The following GUSB variants were observed in gnomAD, a reference collection of about 807,000 sequenced individuals.
The protein encoded by GUSB is glucuronidase beta.
GUSB carries 51 observed loss-of-function variants against 74.6 expected under a neutral mutation model. The ratio of observed to expected loss-of-function variants is 0.68; its 90% CI spans 0.55 to 0.86. The LOEUF (loss-of-function observed/expected upper bound fraction) is 0.86, where lower values mean the gene tolerates loss of function less well. Among genes scored for constraint, GUSB ranks in the 40% least tolerant of loss-of-function variants. The probability of loss-of-function intolerance (pLI) is 0.00; values close to 1 mark genes in which losing one functional copy is unlikely to be tolerated. For synonymous variants in GUSB, 360 were observed against 348.3 expected (o/e 1.03, Z -0.37); for missense variants, 736 against 853.7 (o/e 0.86, Z 1.72).
chr7:65,975,146 G>GC (rs1791486013), intron 5 of GUSB, 75 bp from the exon 6 acceptor site: 1 of 1,334,370 alleles, frequency 7.5e-7, no homozygotes, highest in African/African-American at 1.4e-5. Flanking sequence ...CAGCAGGAAG[G>GC]CCCCTCGTGC....
intron 5 of GUSB, chr7:65,975,362 AGACT>A (rs1313469920): frequency 4.4e-6 from 2 of 450,954 alleles, no homozygotes; most frequent in African/African-American, 2.0e-5. Flanking sequence ...GCCTGCTGAC[AGACT>A]GAGACCCCAT....
chr7:65,979,940 G>C (rs761222082), intron 2 of GUSB, 29 bp from the exon 3 acceptor site: 1 of 1,550,936 alleles, frequency 6.4e-7, no homozygotes, highest in South Asian at 1.2e-5. Context: ...CGGGGAGGGG[G>C]CTGCAGGTCA....
intron 11 of GUSB, among the ~76,000 whole-genome samples, chr7:65,962,604 GGCTCAT>G (rs1790569866): frequency 6.6e-6 from 1 of 152,076 alleles, no homozygotes; most frequent in Non-Finnish European, 1.5e-5. Flanking sequence ...TGGCCATGGT[GGCTCAT>G]GCCTGTAATC....
At chr7:65,968,374 G>A (rs1349542349) in intron 9 of GUSB, among the ~76,000 whole-genome samples, 3 of 152,142 alleles carry the variant, frequency 2.0e-5, no homozygotes, top group East Asian at 1.9e-4. Flanking sequence ...AGGTAGGCCT[G>A]GGACTCCACA....
intron 4 of GUSB, among the ~76,000 whole-genome samples, chr7:65,977,000 T>C (rs1791625734): frequency 6.6e-6 from 1 of 151,920 alleles, no homozygotes; most frequent in South Asian, 2.1e-4. Context: ...CTACTACGCA[T>C]GTGCAACCAG....
chr7:65,967,363 AG>A (rs1413455088), intron 10 of GUSB, among the ~76,000 whole-genome samples: 9 of 152,192 alleles, frequency 5.9e-5, no homozygotes, highest in Admixed American at 2.0e-4. Flanking sequence ...CTGAGGTGGG[AG>A]GATCACTTGA....
In GUSB at chr7:65,976,819, G is replaced by A. The variant is rs369490956; in HGVS notation, c.725-617C>T. Among the ~76,000 whole-genome samples, 24 of 151,952 alleles carry A rather than the reference G, an allele frequency of 1.6e-4. 2 individuals carry two copies. In the South Asian group the frequency reaches 4.8e-3, roughly 30 times the overall value. The stretch of plus-strand genomic sequence containing the variant: ...GTGGTGGTGCGTGCTTGCAGCCCCG[G>A]CAGCCCCAGCTACTTGGGAGGCTGA... On this transcript the variant is annotated intron_variant, in intron 4 of 11. Transcript: ENST00000304895.
chr7:65,979,148 G>A (rs893015767), intron 4 of GUSB, among the ~76,000 whole-genome samples: 5 of 152,140 alleles, frequency 3.3e-5, no homozygotes, highest in Non-Finnish European at 7.4e-5. Context: ...CCATAGAGAA[G>A]GGACAGGATT....
Position 65,979,495 on chromosome 7 carries a change from T to G in GUSB, c.628A>C (p.Asn210His). 3 of 1,614,002 alleles carry G rather than the reference T, an allele frequency of 1.9e-6. No homozygotes were observed. Among genetic ancestry groups the G allele is most frequent in the Non-Finnish European group, 2.5e-6 (3 of 1,179,936 alleles). The change falls in exon 4 of 12, where the codon AAC becomes CAC. Residue 210 changes from asparagine (N) to histidine (H), a missense_variant. By Grantham distance (68) the Asn-to-His change is moderately conservative. Coordinates refer to ENST00000304895, the MANE Select transcript of GUSB (RefSeq NM_000181.4). ...ACAGACCGCTGCAGTCCAGCGTAGT[T>G]GAAAAAGTCAAAATATGTGTTCTGG... ...FVQNTYFDFF[N>H]YAGLQRSVLL...
At chr7:65,972,432 G>A (rs942518614) in intron 8 of GUSB, among the ~76,000 whole-genome samples, 1 of 152,164 alleles carries the variant, frequency 6.6e-6, no homozygotes, top group African/African-American at 2.4e-5. Flanking sequence ...CCAAAGTGCT[G>A]GGATTACAGG....
Position 65,980,129 on chromosome 7 carries a change from C to T in GUSB, c.396+95G>A, listed in dbSNP as rs556297556. ...CAGGGCAGGACCCCCCACCATCCCACCCCAGCATACATGCCGTGGGTGGCA... is the reference window on the plus strand; with the variant it reads ...CAGGGCAGGACCCCCCACCATCCCATCCCAGCATACATGCCGTGGGTGGCA... On this transcript the variant is annotated intron_variant, in intron 2 of 11. Transcript: ENST00000304895. 3.3e-4 allele frequency: 424 copies of T among 1,270,492 alleles called. 1 individual carries two copies. In the African/African-American group the frequency reaches 5.5e-3, roughly 17 times the overall value. 78.7% of individuals were successfully genotyped at this position (1,270,492 alleles called of 1,614,324 possible). A position where few individuals can be genotyped will look rare whatever the true frequency, so the allele number is the denominator to read the frequency against.
chr7:65,971,122 T>A (rs1583910556), intron 8 of GUSB, among the ~76,000 whole-genome samples: 1 of 152,174 alleles, frequency 6.6e-6, no homozygotes, highest in Non-Finnish European at 1.5e-5. Context: ...AAAATGAGGT[T>A]GACGCCCTGA....
intron 10 of GUSB, among the ~76,000 whole-genome samples, chr7:65,965,267 G>A (rs1790759551): frequency 1.3e-5 from 2 of 151,922 alleles, no homozygotes; most frequent in Non-Finnish European, 2.9e-5. Context: ...TTAGCCAGGT[G>A]TGGTGGCGCA....
Position 65,967,779 on chromosome 7 carries a change from G to A in GUSB, c.1605C>T (p.Pro535=), listed in dbSNP as rs762859080. 2.5e-6 allele frequency: 4 copies of A among 1,613,508 alleles called. No individual in the cohort carries two copies. Among genetic ancestry groups the A allele is most frequent in the South Asian group, 2.2e-5 (2 of 91,078 alleles). The part of the protein sequence containing the change: ...FENWYKKYQK[P]IIQSEYGAET... The stretch of plus-strand genomic sequence containing the variant: ...CTGCTCCATACTCGCTCTGAATAAT[G>A]GGCTTCTGATACTTCTTATACCAGT... The change falls in exon 10 of 12, where the codon CCC becomes CCT. Residue 535 remains proline, a synonymous_variant. Coordinates refer to ENST00000304895, the MANE Select transcript of GUSB (RefSeq NM_000181.4).
rs1374269426 is a variant in GUSB, at chr7:65,979,718, G to A, written c.581+9C>T. ...TGGGTGTGTGCAATGGAGGCAGGAT[G>A]GTACCCACTTGGAGGTGTCAGTCAG... On this transcript the variant is annotated intron_variant, in intron 3 of 11. Coordinates refer to ENST00000304895, the MANE Select transcript of GUSB (RefSeq NM_000181.4). 1.2e-5 allele frequency: 20 copies of A among 1,612,718 alleles called. No individual in the cohort carries two copies. Among genetic ancestry groups the A allele is most frequent in the Non-Finnish European group, 1.7e-5 (20 of 1,179,070 alleles).
At position 65,961,159 on chromosome 7, in the gene GUSB, T is replaced by C. The variant is rs935431734; in HGVS notation, c.1790-96A>G. 5.6e-6 allele frequency: 7 copies of C among 1,246,834 alleles called. No homozygotes were observed. The African/African-American group carries it at 1.1e-4, about 19-fold the overall frequency. The allele number at this position is 1,246,834 out of a possible 1,614,324, so 77.2% of individuals were successfully genotyped here. The stretch of plus-strand genomic sequence containing the variant: ...AGCTAAGGTAGGCACTAAATAGAAA[T>C]GTCTTTTTTTTTCTTTTTTCTCCCT... On this transcript the variant is annotated intron_variant, in intron 11 of 11. Transcript: ENST00000304895.
In GUSB at chr7:65,982,106, C is replaced by A. The variant is rs1342758094; in HGVS notation, c.78G>T (p.Gly26=). The A allele has an allele frequency of 1.9e-6, 3 of 1,591,544 alleles. No individual in the cohort carries two copies. The highest frequency in any genetic ancestry group is 2.6e-6 in the Non-Finnish European group (3 of 1,169,950). ...LWGCALGLQG[G]MLYPQESPSR... Reference sequence around the variant, plus strand: ...ACGGGCTCTCCTGGGGGTACAGCATCCCGCCCTGCAGCCCCAGCGCGCAGC... The same window carrying A: ...ACGGGCTCTCCTGGGGGTACAGCATACCGCCCTGCAGCCCCAGCGCGCAGC... Residue 26 remains glycine, a synonymous_variant, in exon 1 of 12, where the codon GGG becomes GGT. Transcript: ENST00000304895.
intron 8 of GUSB, among the ~76,000 whole-genome samples, chr7:65,971,037 C>T (rs889383638): frequency 1.3e-5 from 2 of 152,164 alleles, no homozygotes; most frequent in Non-Finnish European, 2.9e-5. Context: ...CCCCCATCTC[C>T]GAATCCTATA....
At chr7:65,968,034 G>A (rs957497048) in intron 9 of GUSB, 127 bp from the exon 10 acceptor site, 5 of 787,842 alleles carry the variant, frequency 6.3e-6, no homozygotes, top group African/African-American at 5.1e-5. Flanking sequence ...GGGAGGCTGA[G>A]GCAGGAGGAT....
Sources: allele counts gnomAD v4.1 joint callset (sites outside exome capture counted in the v4.1 genomes callset), GRCh38; gene constraint gnomAD v4.1.1; transcripts MANE v1.5; gene names NCBI Gene and HGNC (gene_info 2026-07-23, HGNC 2026-07-21).